The following PCDH9 variants were observed in gnomAD, a reference collection of about 807,000 sequenced individuals.
PCDH9 encodes protocadherin 9, also known as protocadherin-9.
A neutral mutation model predicts 70.6 loss-of-function variants in PCDH9; 24 were observed. The ratio of observed to expected loss-of-function variants is 0.34; its 90% CI spans 0.25 to 0.48. PCDH9 has a LOEUF of 0.48. PCDH9 is among the 20% of genes least tolerant of loss of function. The pLI is 0.99. For synonymous variants in PCDH9, 562 were observed against 558.5 expected (o/e 1.01, Z -0.09); for missense variants, 1,281 against 1,503.6 (o/e 0.85, Z 2.45).
At chr13:67,116,831 A>G (rs2086786221) in intron 2 of PCDH9, among the ~76,000 whole-genome samples, 2 of 152,178 alleles carry the variant, frequency 1.3e-5, no homozygotes, top group Admixed American at 1.3e-4. Context: ...AAGCAACAAC[A>G]AACGCACCTT....
chr13:66,345,944 G>T (rs116711954), intron 4 of PCDH9, among the ~76,000 whole-genome samples: 1 of 152,124 alleles, frequency 6.6e-6, no homozygotes, highest in Admixed American at 6.5e-5. Context: ...CACAATAAGC[G>T]TATAGGGGAA....
chr13:66,548,727 G>T (rs1391590727), intron 4 of PCDH9, among the ~76,000 whole-genome samples: 1 of 151,902 alleles, frequency 6.6e-6, no homozygotes, highest in African/African-American at 2.4e-5. Context: ...TCATTTTCAT[G>T]AAAAAAATGG....
Position 66,869,537 on chromosome 13 carries a change from T to C in PCDH9, c.3138+33967A>G, listed in dbSNP as rs553935361. ...ACTGGAATGTTCCCTTTCTAAATTG[T>C]ATTGTTTCCCATCTTTCTTTTTTGC... On this transcript the variant is annotated intron_variant, in intron 3 of 4. Transcript: ENST00000377865. 1.2e-4 allele frequency among the ~76,000 whole-genome samples: 19 copies of C among 152,252 alleles called. No homozygotes were observed. The East Asian group carries it at 3.5e-3, about 28-fold the overall frequency.
At position 66,564,172 on chromosome 13, in the gene PCDH9, A is replaced by AT. The variant is rs542557044; in HGVS notation, c.3340+67037dup. Among the ~76,000 whole-genome samples the AT allele has an allele frequency of 5.3e-4, 79 of 150,110 alleles. No homozygotes were observed. In the Middle Eastern group the frequency reaches 0.01, roughly 20 times the overall value. On this transcript the variant is annotated intron_variant, in intron 4 of 4. Transcript: ENST00000377865. ...TTTCAATGTTTTATGGGAAATTTTG[A>AT]TTTTTTTTTTAAGACAATGTGTTGC...
intron 3 of PCDH9, among the ~76,000 whole-genome samples, chr13:66,664,225 AT>A (rs1393392586): frequency 2.0e-5 from 3 of 152,250 alleles, no homozygotes; most frequent in African/African-American, 7.2e-5. Flanking sequence ...TTACACAATT[AT>A]GCTATTTACA....
intron 2 of PCDH9, among the ~76,000 whole-genome samples, chr13:67,135,304 G>A (rs2087207372): frequency 6.6e-6 from 1 of 152,004 alleles, no homozygotes; most frequent in African/African-American, 2.4e-5. Flanking sequence ...TGAAGGTCCT[G>A]GGGAGATGTC....
At chr13:66,837,519 G>C (rs1200856550) in intron 3 of PCDH9, among the ~76,000 whole-genome samples, 2 of 152,096 alleles carry the variant, frequency 1.3e-5, no homozygotes, top group Non-Finnish European at 2.9e-5. Flanking sequence ...CCTTTTTAAT[G>C]ACTTTACTGC....
intron 4 of PCDH9, among the ~76,000 whole-genome samples, chr13:66,605,522 T>C (rs1370458092): frequency 1.3e-5 from 2 of 152,170 alleles, no homozygotes; most frequent in East Asian, 3.9e-4. Flanking sequence ...TATTGAACTG[T>C]AGGCTTAATA....
At chr13:66,501,411 T>C (rs1016746246) in intron 4 of PCDH9, among the ~76,000 whole-genome samples, 4 of 152,236 alleles carry the variant, frequency 2.6e-5, no homozygotes, top group African/African-American at 9.6e-5. Context: ...AATATTCTCC[T>C]GTGTCATAAA....
chr13:66,942,931 G>T (rs2083029159), intron 2 of PCDH9, among the ~76,000 whole-genome samples: 1 of 152,084 alleles, frequency 6.6e-6, no homozygotes, highest in Non-Finnish European at 1.5e-5. Context: ...AACAGAGATG[G>T]TGCTTGTAAT....
intron 4 of PCDH9, among the ~76,000 whole-genome samples, chr13:66,490,340 T>C (rs1479119063): frequency 6.6e-6 from 1 of 152,208 alleles, no homozygotes; most frequent in Non-Finnish European, 1.5e-5. Context: ...TCTGTAGATT[T>C]CCTAAGACCT....
chr13:66,499,179 C>G (rs894793602), intron 4 of PCDH9, among the ~76,000 whole-genome samples: 7 of 151,562 alleles, frequency 4.6e-5, no homozygotes, highest in African/African-American at 1.7e-4. Context: ...AAACATAATA[C>G]TACTACGAAT....
intron 4 of PCDH9, among the ~76,000 whole-genome samples, chr13:66,606,004 TCATGGGGCTCCCCTCGCCATTC>T (rs1475741376): frequency 6.6e-6 from 1 of 152,038 alleles, no homozygotes; most frequent in Non-Finnish European, 1.5e-5. Context: ...GACATAGAAA[TCATGGGGCTCCCCTCGCCATTC>T]CATGGGGCTC....
At chr13:66,737,834 C>T (rs1315933268) in intron 3 of PCDH9, among the ~76,000 whole-genome samples, 3 of 151,950 alleles carry the variant, frequency 2.0e-5, no homozygotes, top group Non-Finnish European at 4.4e-5. Context: ...ACACCTGGCT[C>T]GGAGGGTCCT....
At chr13:66,713,078 AT>A (rs2139133743) in intron 3 of PCDH9, among the ~76,000 whole-genome samples, 1 of 152,254 alleles carries the variant, frequency 6.6e-6, no homozygotes, top group Non-Finnish European at 1.5e-5. Flanking sequence ...TGGCACATTA[AT>A]TTTTTAGGCA....
chr13:66,779,839 C>CTATATA (rs1217221898), intron 3 of PCDH9, among the ~76,000 whole-genome samples: 151 of 24,620 alleles, frequency 6.1e-3, no homozygotes, highest in South Asian at 0.021. Context: ...CTCTCTCTCT[C>CTATATA]TCTCTCTCTC....
chr13:67,089,226 A>T (rs1434742519), intron 2 of PCDH9, among the ~76,000 whole-genome samples: 2 of 152,050 alleles, frequency 1.3e-5, no homozygotes, highest in African/African-American at 4.8e-5. Flanking sequence ...TTCAAATATC[A>T]CATTTTCACT....
At chr13:66,990,904 G>T (rs1484104821) in intron 2 of PCDH9, 1 of 151,608 alleles carries the variant, frequency 6.6e-6, no homozygotes, top group Admixed American at 6.6e-5. Flanking sequence ...TCAACAATAC[G>T]CTTATTACAT....
chr13:66,614,673 A>G (rs993116155), intron 4 of PCDH9, among the ~76,000 whole-genome samples: 1 of 152,230 alleles, frequency 6.6e-6, no homozygotes. Context: ...ATTATTTGAC[A>G]TGCTTATGTT....
Sources: gnomAD v4.1 joint callset for allele counts (sites outside exome capture counted in the v4.1 genomes callset) on GRCh38, gnomAD v4.1.1 for gene constraint, MANE v1.5 for transcripts, NCBI Gene and HGNC (gene_info 2026-07-23, HGNC 2026-07-21) for gene names.